The following CCSER1 variants were observed in gnomAD, a reference collection of about 807,000 sequenced individuals.
CCSER1 encodes the protein serine-rich coiled-coil domain-containing protein 1.
A neutral mutation model predicts 82.0 loss-of-function variants in CCSER1; 41 were observed. That is an observed-to-expected ratio of 0.50 (90% CI 0.39 to 0.65). The LOEUF (loss-of-function observed/expected upper bound fraction) is 0.65. Among genes scored for constraint, CCSER1 ranks in the 30% least tolerant of loss-of-function variants. The pLI is 0.00. For synonymous variants in CCSER1, 414 were observed against 383.9 expected (o/e 1.08, Z -0.92); for missense variants, 1,119 against 1,064.2 (o/e 1.05, Z -0.72).
intron 5 of CCSER1, among the ~76,000 whole-genome samples, chr4:90,564,623 C>T (rs1392459830): frequency 6.6e-6 from 1 of 151,528 alleles, no homozygotes; most frequent in Non-Finnish European, 1.5e-5. Context: ...GGAGCTTTCC[C>T]TCTATTTTTT....
At chr4:90,611,059 C>CTTTTTTTTT (rs201354908) in intron 5 of CCSER1, among the ~76,000 whole-genome samples, 3,069 of 93,558 alleles carry the variant, frequency 0.033, 266 homozygotes, top group East Asian at 0.16. Context: ...CTTTTCTTTT[C>CTTTTTTTTT]TTTTTTTTTT....
chr4:90,643,448 T>C (rs1315408139), intron 6 of CCSER1, among the ~76,000 whole-genome samples: 1 of 152,106 alleles, frequency 6.6e-6, no homozygotes, highest in Non-Finnish European at 1.5e-5. Flanking sequence ...GGAGCAAGAA[T>C]ATACAGTCTA....
intron 10 of CCSER1, among the ~76,000 whole-genome samples, chr4:91,317,480 A>G (rs1165877961): frequency 6.6e-6 from 1 of 151,884 alleles, no homozygotes; most frequent in Admixed American, 6.6e-5. Context: ...TATATTATGG[A>G]AGGGTAGGGC....
At chr4:91,238,949 A>G (rs940864706) in intron 10 of CCSER1, among the ~76,000 whole-genome samples, 3 of 151,662 alleles carry the variant, frequency 2.0e-5, no homozygotes, top group Admixed American at 6.6e-5. Context: ...TCAGCCTCCC[A>G]AGTAGCTGGG....
rs1173263288 is a variant in CCSER1, at chr4:90,739,359, T to A, written c.2010+15368T>A. Among the ~76,000 whole-genome samples, 3 of 152,162 alleles carry A rather than the reference T, an allele frequency of 2.0e-5. No individual in the cohort carries two copies. The South Asian group carries it at 6.2e-4, about 31-fold the overall frequency. ...CCCAAGTTGGAAGACAAACTCCTCT[T>A]TACTTTCCCCCTCCTCTCCTTAAGC... On this transcript the variant is annotated intron_variant, in intron 7 of 10. Coordinates refer to ENST00000509176, the MANE Select transcript of CCSER1 (RefSeq NM_001145065.2).
intron 6 of CCSER1, among the ~76,000 whole-genome samples, chr4:90,667,348 A>G (rs1418366096): frequency 6.6e-6 from 1 of 151,780 alleles, no homozygotes; most frequent in African/African-American, 2.4e-5. Context: ...GTTAGCTACT[A>G]TTATTATTAT....
intron 6 of CCSER1, among the ~76,000 whole-genome samples, chr4:90,694,626 A>ATTT (rs1736648315): frequency 7.2e-6 from 1 of 139,180 alleles, no homozygotes; most frequent in African/African-American, 3.0e-5. Flanking sequence ...TTTCGTGTTT[A>ATTT]CTTGTTGTTT....
chr4:91,083,397 A>G (rs1272701709), intron 9 of CCSER1, among the ~76,000 whole-genome samples: 1 of 151,958 alleles, frequency 6.6e-6, no homozygotes, highest in East Asian at 1.9e-4. Context: ...AACATCACAC[A>G]CAGGAGCCTG....
At chr4:90,200,364 A>G (rs1737451751) in intron 1 of CCSER1, among the ~76,000 whole-genome samples, 1 of 152,188 alleles carries the variant, frequency 6.6e-6, no homozygotes, top group Non-Finnish European at 1.5e-5. Flanking sequence ...GAGCAAAATT[A>G]ATATTTTAAC....
chr4:90,241,879 G>T (rs1294283368), intron 1 of CCSER1, among the ~76,000 whole-genome samples: 1 of 152,182 alleles, frequency 6.6e-6, no homozygotes, highest in Non-Finnish European at 1.5e-5. Flanking sequence ...GTAATGGAAT[G>T]ATTATAGGAC....
intron 7 of CCSER1, among the ~76,000 whole-genome samples, chr4:90,755,090 G>A (rs1749280805): frequency 6.6e-6 from 1 of 152,164 alleles, no homozygotes; most frequent in African/African-American, 2.4e-5. Context: ...CATATAAGGA[G>A]CTACTCTGGA....
intron 9 of CCSER1, among the ~76,000 whole-genome samples, chr4:91,047,253 CAT>C (rs371982359): frequency 1.4e-4 from 21 of 151,974 alleles, no homozygotes; most frequent in East Asian, 9.7e-4. Context: ...CACACACACA[CAT>C]ATATATATTT....
chr4:90,800,380 A>T lies in CCSER1; in HGVS notation c.2011-15382A>T, dbSNP rs77815268. Among the ~76,000 whole-genome samples, 70 of 152,242 alleles carry T rather than the reference A, an allele frequency of 4.6e-4. 1 individual carries two copies. The East Asian group carries it at 0.011, about 25-fold the overall frequency. ...TCTTCCCAAAATGTTGTGATTACAC[A>T]CATAAGCTCTGTGACTAGCTTTTTA... On this transcript the variant is annotated intron_variant, in intron 7 of 10. Transcript: ENST00000509176.
At chr4:91,471,354 C>A (rs939928014) in intron 10 of CCSER1, among the ~76,000 whole-genome samples, 4 of 152,110 alleles carry the variant, frequency 2.6e-5, no homozygotes, top group Non-Finnish European at 5.9e-5. Context: ...GTGTAATCTA[C>A]CCAAATGAAT....
chr4:90,785,529 T>C (rs1754385377), intron 7 of CCSER1, among the ~76,000 whole-genome samples: 1 of 152,186 alleles, frequency 6.6e-6, no homozygotes, highest in Non-Finnish European at 1.5e-5. Context: ...CAAGATAATA[T>C]AATACCATTA....
At chr4:91,568,763 T>C (rs1560770275) in intron 10 of CCSER1, among the ~76,000 whole-genome samples, 1 of 152,156 alleles carries the variant, frequency 6.6e-6, no homozygotes, top group Non-Finnish European at 1.5e-5. Context: ...CTGATTCTTA[T>C]TTTCCTTAGA....
intron 1 of CCSER1, among the ~76,000 whole-genome samples, chr4:90,255,506 A>G (rs11730917): frequency 0.19 from 28,855 of 152,132 alleles, 3,089 homozygotes; most frequent in South Asian, 0.28. Flanking sequence ...AATCATAAGG[A>G]TAGTAATTCT....
chr4:90,842,805 C>CGGT (rs1762737294), intron 8 of CCSER1, among the ~76,000 whole-genome samples: 1 of 152,160 alleles, frequency 6.6e-6, no homozygotes, highest in African/African-American at 2.4e-5. Flanking sequence ...GTTAGAGTAA[C>CGGT]CGTATTCTGG....
At chr4:90,978,416 T>A (rs1036954492) in intron 9 of CCSER1, among the ~76,000 whole-genome samples, 15 of 151,664 alleles carry the variant, frequency 9.9e-5, no homozygotes, top group African/African-American at 3.6e-4. Flanking sequence ...TAGATCCTAA[T>A]CTGCCACTTT....
Sources: gnomAD v4.1 joint callset for allele counts (sites outside exome capture counted in the v4.1 genomes callset) on GRCh38, gnomAD v4.1.1 for gene constraint, MANE v1.5 for transcripts, NCBI Gene and HGNC (gene_info 2026-07-23, HGNC 2026-07-21) for gene names.